Variants in ZSCAN10 observed in about 807,000 individuals in gnomAD.
The protein encoded by ZSCAN10 is zinc finger and SCAN domain containing 10.
Under a neutral mutation model 63.7 loss-of-function variants are expected in ZSCAN10, and 52 were observed. That is an observed-to-expected ratio of 0.82 (90% CI 0.65 to 1.03). The LOEUF is 1.03. ZSCAN10 is among the 50% of genes least tolerant of loss of function. ZSCAN10 has a pLI of 0.00. For missense variants in ZSCAN10, 1,223 were observed against 1,103.8 expected (o/e 1.11, Z -1.53); for synonymous variants, 544 against 479.6 (o/e 1.13, Z -1.76).
rs151114423 is a variant in ZSCAN10, at chr16:3,097,906, G to A, written c.-68+1284C>T. Among the ~76,000 whole-genome samples the A allele has an allele frequency of 3.6e-4, 54 of 152,040 alleles. No homozygotes were observed. In the East Asian group the frequency reaches 8.5e-3, roughly 24 times the overall value. On this transcript the variant is annotated intron_variant, in intron 1 of 5. Transcript: ENST00000576985. The stretch of plus-strand genomic sequence containing the variant: ...AAAATGGTGTTGTGAGGCCGGATGC[G>A]GTGGCTCATGCTTATAATCCCAGCA...
Position 3,090,274 on chromosome 16 carries a change from C to T in ZSCAN10, c.1160G>A (p.Arg387His), listed in dbSNP as rs762775017. 2 of 1,608,462 alleles carry T rather than the reference C, an allele frequency of 1.2e-6. No homozygotes were observed. The highest frequency in any genetic ancestry group is 8.5e-7 in the Non-Finnish European group (1 of 1,179,240). ...LCLCCGKSFG[R>H]SSILKLHMRT... ...CATGTGCAGCTTGAGAATGGAGCTG[C>T]GGCCGAAGCTCTTCCCGCAGCAAAG... Residue 387 changes from arginine to histidine, a missense_variant, in exon 6 of 6, where the codon CGC (arginine) becomes CAC (histidine). Physicochemically the swap from Arg to His is conservative, Grantham distance 29 (BLOSUM62 0). Transcript: ENST00000576985.
rs2151217811 is a variant in ZSCAN10, at chr16:3,094,694, A to G, written c.-67-1690T>C. On this transcript the variant is annotated intron_variant, in intron 1 of 5. Coordinates refer to ENST00000576985, the MANE Select transcript of ZSCAN10 (RefSeq NM_032805.3). ...TCCAATGTTTAGGGCCTTGCAGGGA[A>G]TATGGAACAAGTCAGACCATCTCTC... is the stretch of plus-strand genomic sequence containing the variant. Among the ~76,000 whole-genome samples, 2 of 152,196 alleles carry G rather than the reference A, an allele frequency of 1.3e-5. 1 individual carries two copies. The highest frequency in any genetic ancestry group is 4.2e-4 in the South Asian group (2 of 4,818).
chr16:3,094,137 C>T (rs62032662), intron 1 of ZSCAN10, among the ~76,000 whole-genome samples: 1 of 152,108 alleles, frequency 6.6e-6, no homozygotes, highest in South Asian at 2.1e-4. Context: ...GTCAGCCTCC[C>T]GAGTAGCTGG....
Position 3,089,982 on chromosome 16 carries a change from G to C in ZSCAN10, c.1452C>G (p.Ser484Arg). ...TDVLCSHCGQSFQRRSSLKRH... is the reference protein window; with the variant it reads ...TDVLCSHCGQRFQRRSSLKRH... ...GCTTGAGGCTGGAGCGGCGCTGGAAGCTCTGGCCGCAGTGGGAGCACAGGA... is the reference window on the plus strand; with the variant it reads ...GCTTGAGGCTGGAGCGGCGCTGGAACCTCTGGCCGCAGTGGGAGCACAGGA... The change falls in exon 6 of 6, where the codon AGC becomes AGG. Residue 484 changes from serine (S) to arginine (R), a missense_variant. Ser to Arg is a moderately radical substitution (Grantham distance 110). Transcript: ENST00000576985. The C allele has an allele frequency of 1.3e-6, 2 of 1,550,576 alleles. No homozygotes were observed. Among genetic ancestry groups the C allele is most frequent in the Non-Finnish European group, 1.7e-6 (2 of 1,150,770 alleles).
intron 1 of ZSCAN10, among the ~76,000 whole-genome samples, chr16:3,098,009 C>A (rs1957174813): frequency 8.2e-6 from 1 of 122,158 alleles, no homozygotes; most frequent in Non-Finnish European, 1.6e-5. Context: ...CGCCACTGCA[C>A]ACCAGCCTGG....
chr16:3,089,557 C>T lies in ZSCAN10; in HGVS notation c.1877G>A (p.Arg626His), dbSNP rs1195593327. ...GQTQDLARHQ[R>H]SHTGEKPCRC... ...GCAGGGCTTCTCGCCCGTGTGGCTG[C>T]GCTGGTGGCGGGCCAGATCCTGGGT... is the stretch of plus-strand genomic sequence containing the variant. The change falls in exon 6 of 6, where the codon CGC becomes CAC. Residue 626 changes from arginine to histidine, a missense_variant. By Grantham distance (29) the Arg-to-His change is conservative. Transcript: ENST00000576985. 2 of 1,598,618 alleles carry T rather than the reference C, an allele frequency of 1.3e-6. No homozygotes were observed. Among genetic ancestry groups the T allele is most frequent in the East Asian group, 2.3e-5 (1 of 44,340 alleles).
Position 3,092,879 on chromosome 16 carries a change from A to AGCTTGACTTCCCCCAGCT in ZSCAN10, c.41_58dup (p.Gln14_Lys19dup). The AGCTTGACTTCCCCCAGCT allele has an allele frequency of 1.4e-6, 2 of 1,443,508 alleles. No homozygotes were observed. Among genetic ancestry groups the AGCTTGACTTCCCCCAGCT allele is most frequent in the Non-Finnish European group, 1.8e-6 (2 of 1,096,112 alleles). 89.4% of individuals were successfully genotyped at this position (1,443,508 alleles called of 1,614,324 possible). ...TGGGCTGACAGCCTCCTCCTCCTCC[A>AGCTTGACTTCCCCCAGCT]GCTTGACTTCCCCCAGCTGCTCCTG... On this transcript the variant is annotated inframe_insertion, in exon 2 of 6. Transcript: ENST00000576985.
rs1202579188 is a variant in ZSCAN10 at position 3,090,031 on chromosome 16, G to C, written c.1403C>G (p.Ala468Gly). 1 of 1,593,630 alleles carries C rather than the reference G, an allele frequency of 6.3e-7. No individual in the cohort carries two copies. The highest frequency in any genetic ancestry group is 8.5e-7 in the Non-Finnish European group (1 of 1,173,350). Residue 468 changes from alanine to glycine, a missense_variant, in exon 6 of 6, where the codon GCC (alanine) becomes GGC (glycine). Ala to Gly is a moderately conservative substitution (Grantham distance 60). Coordinates refer to ENST00000576985, the MANE Select transcript of ZSCAN10 (RefSeq NM_032805.3). ...GACATCGGTCAGTGGCGGCGCTTCG[G>C]CCTTACTCTCAGGAGCGCAGGGCGG... ...QKPPCAPESK[A>G]EAPPLTDVLC...
chr16:3,097,592 G>C (rs185313127), intron 1 of ZSCAN10, among the ~76,000 whole-genome samples: 1 of 152,104 alleles, frequency 6.6e-6, no homozygotes, highest in Non-Finnish European at 1.5e-5. Flanking sequence ...AACCACCCCC[G>C]AGCCGGAACT....
chr16:3,090,125 A>C lies in ZSCAN10; in HGVS notation c.1309T>G (p.Cys437Gly), dbSNP rs1222938779. 1 of 1,600,692 alleles carries C rather than the reference A, an allele frequency of 6.2e-7. No individual in the cohort carries two copies. Among genetic ancestry groups the C allele is most frequent in the African/African-American group, 1.3e-5 (1 of 74,648 alleles). Residue 437 changes from cysteine (C) to glycine (G), a missense_variant, in exon 6 of 6, where the codon TGC becomes GGC. By Grantham distance (159) the Cys-to-Gly change is radical. Coordinates refer to ENST00000576985, the MANE Select transcript of ZSCAN10 (RefSeq NM_032805.3). ...GCGCGGCGCTGGAAGCCGCGGCCGCACTCTGCGCACAGGAAGGCGGGTTCG... is the reference window on the plus strand; with the variant it reads ...GCGCGGCGCTGGAAGCCGCGGCCGCCCTCTGCGCACAGGAAGGCGGGTTCG... ...SSEPAFLCAECGRGFQRRASL... is the reference protein window; with the variant it reads ...SSEPAFLCAEGGRGFQRRASL...
At chr16:3,097,032 G>A (rs1957161462) in intron 1 of ZSCAN10, among the ~76,000 whole-genome samples, 1 of 151,894 alleles carries the variant, frequency 6.6e-6, no homozygotes, top group Non-Finnish European at 1.5e-5. Context: ...AGGAGGCAGA[G>A]GTTGCAGTGA....
rs575104118 is a variant in ZSCAN10 at position 3,091,834 on chromosome 16, G to A, written c.665-6C>T. ...TGGTGAGGGGCCCTGGGGACCTGAC[G>A]GCATTGGGGAAGAGGGGAGGAAGTG... On this transcript the variant is annotated splice_region_variant and splice_polypyrimidine_tract_variant and intron_variant, in intron 3 of 5. Coordinates refer to ENST00000576985, the MANE Select transcript of ZSCAN10 (RefSeq NM_032805.3). 4.6e-5 allele frequency: 72 copies of A among 1,573,340 alleles called. No homozygotes were observed. Among genetic ancestry groups the A allele is most frequent in the Middle Eastern group, 3.6e-4 (2 of 5,556 alleles).
intron 5 of ZSCAN10, 104 bp downstream of exon 5, chr16:3,091,436 G>A: frequency 1.6e-6 from 2 of 1,285,278 alleles, no homozygotes; most frequent in Non-Finnish European, 2.3e-6. Flanking sequence ...TTGAGCCCAG[G>A]AGTGGAGACT....
At position 3,089,952 on chromosome 16, in the gene ZSCAN10, G is replaced by A. The variant is rs1347148775; in HGVS notation, c.1482C>T (p.His494=). 1.9e-6 allele frequency: 3 copies of A among 1,542,218 alleles called. No individual in the cohort carries two copies. The highest frequency in any genetic ancestry group is 2.0e-5 in the Admixed American group (1 of 51,048). ...CCTTGTCCCTGGCGTGGATCCGCAG[G>A]TGGCGCTTGAGGCTGGAGCGGCGCT... ...SFQRRSSLKR[H]LRIHARDKDR... Residue 494 remains histidine, a synonymous_variant, in exon 6 of 6, where the codon CAC becomes CAT. Coordinates refer to ENST00000576985, the MANE Select transcript of ZSCAN10 (RefSeq NM_032805.3).
chr16:3,093,109 G>C (rs181711103), intron 1 of ZSCAN10, 105 bp from the exon 2 acceptor site: 11 of 872,542 alleles, frequency 1.3e-5, no homozygotes, highest in Non-Finnish European at 1.5e-5. Flanking sequence ...CAGAGGAATC[G>C]CTTTTCTCAC....
intron 5 of ZSCAN10, among the ~76,000 whole-genome samples, 181 bp downstream of exon 5, chr16:3,091,359 G>T (rs976534175): frequency 6.6e-6 from 1 of 152,116 alleles, no homozygotes; most frequent in Admixed American, 6.5e-5. Flanking sequence ...AGAAAGAGGT[G>T]TTGGCCGGTC....
chr16:3,091,430 G>A (rs1957072989), intron 5 of ZSCAN10, 110 bp downstream of exon 5: 2 of 1,232,658 alleles, frequency 1.6e-6, no homozygotes, highest in Non-Finnish European at 1.2e-6. Context: ...GATCACTTGA[G>A]CCCAGGAGTG....
chr16:3,095,269 G>C (rs1007410772), intron 1 of ZSCAN10, among the ~76,000 whole-genome samples: 1 of 152,146 alleles, frequency 6.6e-6, no homozygotes, highest in Non-Finnish European at 1.5e-5. Context: ...TGTAATCCCA[G>C]CACTTTGGGA....
chr16:3,097,386 G>A (rs1957166226), intron 1 of ZSCAN10, among the ~76,000 whole-genome samples: 1 of 152,054 alleles, frequency 6.6e-6, no homozygotes, highest in African/African-American at 2.4e-5. Flanking sequence ...CCCAACCTCA[G>A]CCACCTGGGG....
Sources: gnomAD v4.1 joint callset for allele counts (sites outside exome capture counted in the v4.1 genomes callset) on GRCh38, gnomAD v4.1.1 for gene constraint, MANE v1.5 for transcripts, NCBI Gene and HGNC (gene_info 2026-07-23, HGNC 2026-07-21) for gene names.